PXDN: variants seen among roughly 807,000 people sequenced by gnomAD.
PXDN encodes peroxidasin homolog.
PXDN carries 77 observed loss-of-function variants against 140.3 expected under a neutral mutation model. The ratio of observed to expected loss-of-function variants is 0.55; its 90% CI spans 0.46 to 0.66. The LOEUF (loss-of-function observed/expected upper bound fraction) is 0.66. PXDN is among the 30% of genes least tolerant of loss of function. The pLI, the probability that PXDN is intolerant of heterozygous loss-of-function variation, is 0.00. For synonymous variants in PXDN, 911 were observed against 857.4 expected (o/e 1.06, Z -1.09); for missense variants, 1,838 against 2,039.5 (o/e 0.90, Z 1.90).
intron 12 of PXDN, 33 bp from the exon 13 acceptor site, chr2:1,662,217 G>A (rs201396656): frequency 1.4e-5 from 22 of 1,531,778 alleles, no homozygotes; most frequent in South Asian, 2.4e-5. Flanking sequence ...CCAGGAGAAC[G>A]AGTCAATTAC....
At chr2:1,657,740 G>A (rs1160922510) in intron 14 of PXDN, among the ~76,000 whole-genome samples, 12 of 99,976 alleles carry the variant, frequency 1.2e-4, no homozygotes, top group African/African-American at 4.2e-4. Flanking sequence ...TGACAGGGAC[G>A]GGCCCCCTCC....
At chr2:1,701,694 C>T (rs553764052) in intron 1 of PXDN, among the ~76,000 whole-genome samples, 21 of 152,300 alleles carry the variant, frequency 1.4e-4, no homozygotes, top group African/African-American at 4.8e-4. Flanking sequence ...TGAGCCCCCA[C>T]GGCTGCAGAC....
At chr2:1,733,311 C>T (rs982005005) in intron 1 of PXDN, among the ~76,000 whole-genome samples, 1 of 152,100 alleles carries the variant, frequency 6.6e-6, no homozygotes, top group Non-Finnish European at 1.5e-5. Flanking sequence ...CACACCAAGG[C>T]ATATCATAAT....
chr2:1,722,067 A>C (rs1252895833), intron 1 of PXDN, among the ~76,000 whole-genome samples: 1 of 152,240 alleles, frequency 6.6e-6, no homozygotes, highest in African/African-American at 2.4e-5. Context: ...TATAAATGAG[A>C]AAATACCACA....
chr2:1,712,819 G>A (rs147665153), intron 1 of PXDN, among the ~76,000 whole-genome samples: 86 of 152,280 alleles, frequency 5.6e-4, no homozygotes, highest in Non-Finnish European at 1.0e-3. Context: ...CCGCCTCCAA[G>A]GTTCAAGCAA....
intron 9 of PXDN, among the ~76,000 whole-genome samples, chr2:1,668,597 A>C (rs1683500581): frequency 7.8e-6 from 1 of 127,506 alleles, no homozygotes; most frequent in Non-Finnish European, 1.7e-5. Context: ...AACTTAAACA[A>C]ATTTACAAAA....
At chr2:1,643,059 T>C (rs764277509) in intron 19 of PXDN, among the ~76,000 whole-genome samples, 11 of 152,346 alleles carry the variant, frequency 7.2e-5, no homozygotes, top group Non-Finnish European at 1.0e-4. Context: ...AAGCTAGACA[T>C]ACATTAGGCT....
intron 12 of PXDN, among the ~76,000 whole-genome samples, 165 bp downstream of exon 12, chr2:1,663,440 A>G (rs1452523318): frequency 6.6e-6 from 1 of 152,182 alleles, no homozygotes; most frequent in Non-Finnish European, 1.5e-5. Context: ...ATGAGCTACT[A>G]TGCAGACACC....
At chr2:1,665,484 G>A (rs1423857784) in intron 10 of PXDN, among the ~76,000 whole-genome samples, 1 of 152,202 alleles carries the variant, frequency 6.6e-6, no homozygotes, top group Non-Finnish European at 1.5e-5. Context: ...ATCACTGGAT[G>A]AAAAACATAA....
intron 1 of PXDN, among the ~76,000 whole-genome samples, chr2:1,732,086 C>T (rs1685325268): frequency 6.6e-6 from 1 of 152,080 alleles, no homozygotes; most frequent in Admixed American, 6.6e-5. Flanking sequence ...CAACCAAAAA[C>T]CAAAAAAACT....
chr2:1,744,478 TCGGACGCA>T lies in PXDN; in HGVS notation c.-31_-24del. ...CATGGCCGACGGCGCGGACGGACGC[TCGGACGCA>T]CGGAGCCACCACGGCCGGCTCCCGA... On this transcript the variant is annotated 5_prime_UTR_variant, in exon 1 of 23. Coordinates refer to ENST00000252804, the MANE Select transcript of PXDN (RefSeq NM_012293.3). 2.1e-6 allele frequency: 3 copies of T among 1,427,948 alleles called. No individual in the cohort carries two copies. The highest frequency in any genetic ancestry group is 3.0e-5 in the East Asian group (1 of 33,188). 88.5% of individuals were successfully genotyped at this position (1,427,948 alleles called of 1,614,324 possible). A position where few individuals can be genotyped will look rare whatever the true frequency, so the allele number is the denominator to read the frequency against.
Position 1,687,785 on chromosome 2 carries a change from A to G in PXDN, c.345-82T>C. 1 of 1,063,506 alleles carries G rather than the reference A, an allele frequency of 9.4e-7. No individual in the cohort carries two copies. The highest frequency in any genetic ancestry group is 1.4e-6 in the Non-Finnish European group (1 of 719,606). The allele number at this position is 1,063,506 out of a possible 1,614,324, so 65.9% of individuals were successfully genotyped here. A position where few individuals can be genotyped will look rare whatever the true frequency, so the allele number is the denominator to read the frequency against. ...CGGAAAAGAAGAATTAAATTGACAC[A>G]TGGAGACAGTTTTACAATTAATGAC... On this transcript the variant is annotated intron_variant, in intron 3 of 22. Coordinates refer to ENST00000252804, the MANE Select transcript of PXDN (RefSeq NM_012293.3). The surrounding 1 kb of genome is among the most constrained non-coding windows in gnomAD (Gnocchi z 4.0).
At position 1,714,965 on chromosome 2, in the gene PXDN, T is replaced by C. The variant is rs1207522699; in HGVS notation, c.201-21831A>G. Among the ~76,000 whole-genome samples the C allele has an allele frequency of 6.6e-6, 1 of 152,072 alleles. No individual in the cohort carries two copies. Among genetic ancestry groups the C allele is most frequent in the Non-Finnish European group, 1.5e-5 (1 of 68,024 alleles). Reference sequence around the variant, plus strand: ...TGGGAGCATCAGGTTTTAGGCGACATATGAACACGCCACCCATTAATACAA... The same window carrying C: ...TGGGAGCATCAGGTTTTAGGCGACACATGAACACGCCACCCATTAATACAA... On this transcript the variant is annotated intron_variant, in intron 1 of 22. Transcript: ENST00000252804. The surrounding 1 kb of genome is among the most constrained non-coding windows in gnomAD (Gnocchi z 4.3).
rs1572195984 is a variant in PXDN, at chr2:1,724,982, T to G, written c.200+19274A>C. Among the ~76,000 whole-genome samples, 5 of 152,316 alleles carry G rather than the reference T, an allele frequency of 3.3e-5. 1 individual carries two copies. In the South Asian group the frequency reaches 1.0e-3, roughly 32 times the overall value. ...GTAGATAGTTAAACAATATTAAGTC[T>G]TCTAATCCATGAGCACAAGATAATG... is the stretch of plus-strand genomic sequence containing the variant. On this transcript the variant is annotated intron_variant, in intron 1 of 22. Coordinates refer to ENST00000252804, the MANE Select transcript of PXDN (RefSeq NM_012293.3).
At chr2:1,728,180 C>A (rs936006843) in intron 1 of PXDN, among the ~76,000 whole-genome samples, 8 of 152,226 alleles carry the variant, frequency 5.3e-5, no homozygotes, top group Non-Finnish European at 1.2e-4. Flanking sequence ...TCAAGAGATC[C>A]ATCCGCCTCA....
intron 19 of PXDN, 146 bp downstream of exon 19, chr2:1,643,222 G>A (rs1682767827): frequency 2.3e-6 from 2 of 884,732 alleles, no homozygotes; most frequent in Non-Finnish European, 3.4e-6. Context: ...TCTCAGCATG[G>A]ATACAGCACG....
chr2:1,660,984 G>A lies in PXDN; in HGVS notation c.1734C>T (p.Phe578=). Residue 578 remains phenylalanine (F), a synonymous_variant, in exon 14 of 23, where the codon TTC becomes TTT. Coordinates refer to ENST00000252804, the MANE Select transcript of PXDN (RefSeq NM_012293.3). The surrounding 1 kb of genome is among the most constrained non-coding windows in gnomAD (Gnocchi z 4.6). ...SGKFHISPEG[F]LTINDVGPAD... ...CAGGGCCAACGTCATTGATGGTCAAGAATCCTTCAGGGCTGATGTGAAATT... is the reference window on the plus strand; with the variant it reads ...CAGGGCCAACGTCATTGATGGTCAAAAATCCTTCAGGGCTGATGTGAAATT... 5 of 1,614,048 alleles carry A rather than the reference G, an allele frequency of 3.1e-6. No individual in the cohort carries two copies. Among genetic ancestry groups the A allele is most frequent in the Non-Finnish European group, 3.4e-6 (4 of 1,179,906 alleles).
intron 1 of PXDN, among the ~76,000 whole-genome samples, chr2:1,709,467 C>T (rs958421063): frequency 2.6e-5 from 4 of 152,094 alleles, no homozygotes; most frequent in African/African-American, 7.2e-5. Flanking sequence ...TGGGGTGCAG[C>T]GGGGCTGGGG....
intron 1 of PXDN, among the ~76,000 whole-genome samples, chr2:1,703,383 GCTCCAGGTGAAGGAGGGACAA>G (rs1350278436): frequency 1.8e-4 from 7 of 39,548 alleles, no homozygotes; most frequent in East Asian, 7.1e-4. Context: ...GTGGGGGACA[GCTCCAGGTGAAGGAGGGACAA>G]CTCCAGGTGA....
Sources: allele counts gnomAD v4.1 joint callset (sites outside exome capture counted in the v4.1 genomes callset), GRCh38; gene constraint gnomAD v4.1.1; non-coding constraint Gnocchi (gnomAD v3.1); transcripts MANE v1.5; gene names NCBI Gene and HGNC (gene_info 2026-07-23, HGNC 2026-07-21).